IRGC: variants seen among roughly 807,000 people sequenced by gnomAD.
The protein encoded by IRGC is interferon-inducible GTPase 5.
Under a neutral mutation model 16.1 loss-of-function variants are expected in IRGC, and 4 were observed. The ratio of observed to expected loss-of-function variants is 0.25; its 90% CI spans 0.12 to 0.57. The LOEUF (loss-of-function observed/expected upper bound fraction) is 0.57, where lower values mean the gene tolerates loss of function less well. Ranked by LOEUF, IRGC falls within the 20% of genes least tolerant of loss-of-function variation. IRGC has a pLI of 0.92. For synonymous variants in IRGC, 307 were observed against 299.5 expected (o/e 1.03, Z -0.26); for missense variants, 570 against 643.9 (o/e 0.89, Z 1.24).
At chr19:43,717,050 C>T (rs984446004) in intron 1 of IRGC, among the ~76,000 whole-genome samples, 1 of 151,944 alleles carries the variant, frequency 6.6e-6, no homozygotes, top group African/African-American at 2.4e-5. Flanking sequence ...TGAGGGGGGA[C>T]CATCACGACA....
At position 43,718,610 on chromosome 19, in the gene IRGC, C is replaced by T; in HGVS notation, c.52C>T (p.Leu18Phe). The T allele has an allele frequency of 6.2e-7, 1 of 1,610,254 alleles. No homozygotes were observed. The highest frequency in any genetic ancestry group is 8.5e-7 in the Non-Finnish European group (1 of 1,178,034). The change falls in exon 2 of 2, where the codon CTT becomes TTT. Residue 18 changes from leucine to phenylalanine, a missense_variant. Physicochemically the swap from Leu to Phe is conservative, Grantham distance 22. Coordinates refer to ENST00000244314, the MANE Select transcript of IRGC (RefSeq NM_019612.4). ...GCCTGGGGAGGAGGAAAACACCATC[C>T]TTATGGCCAAGGAAAGGCTGGAGGC... ...VVPGEEENTI[L>F]MAKERLEALR... is the part of the protein sequence containing the mutation.
At chr19:43,718,438 T>C in intron 1 of IRGC, 55 bp from the exon 2 acceptor site, 3 of 1,483,466 alleles carry the variant, frequency 2.0e-6, no homozygotes, top group Non-Finnish European at 2.7e-6. Context: ...TATCTGTCTC[T>C]CCCTGCCCCA....
chr19:43,718,332 C>T (rs1968200669), intron 1 of IRGC, 161 bp from the exon 2 acceptor site: 2 of 797,552 alleles, frequency 2.5e-6, no homozygotes, highest in East Asian at 6.5e-5. Flanking sequence ...CCTGCCAGAC[C>T]CCAAAGCCCT....
chr19:43,718,800 A>G lies in IRGC; in HGVS notation c.242A>G (p.Asp81Gly), dbSNP rs1168654360. The G allele has an allele frequency of 6.2e-7, 1 of 1,612,758 alleles. No individual in the cohort carries two copies. The highest frequency in any genetic ancestry group is 8.5e-7 in the Non-Finnish European group (1 of 1,179,942). ...INALRGLEAEDPGAALTGVME... is the reference protein window; with the variant it reads ...INALRGLEAEGPGAALTGVME... ...GCCCTGCGTGGCCTGGAGGCCGAGG[A>G]CCCTGGCGCGGCTCTCACGGGCGTC... Residue 81 changes from aspartate to glycine, a missense_variant, in exon 2 of 2, where the codon GAC becomes GGC. Transcript: ENST00000244314.
chr19:43,719,623 G>T lies in IRGC; in HGVS notation c.1065G>T (p.Met355Ile), dbSNP rs1968240280. The change falls in exon 2 of 2, where the codon ATG becomes ATT. Residue 355 changes from methionine to isoleucine, a missense_variant. Physicochemically the swap from Met to Ile is conservative, Grantham distance 10. Coordinates refer to ENST00000244314, the MANE Select transcript of IRGC (RefSeq NM_019612.4). ...RLYSQSSDGA[M>I]RVARAFERGI... ...ATTCCCAGTCGTCCGACGGCGCCAT[G>T]CGGGTGGCCCGCGCCTTTGAGAGGG... is the stretch of plus-strand genomic sequence containing the variant. The T allele has an allele frequency of 2.5e-6, 4 of 1,604,566 alleles. No individual in the cohort carries two copies. In the South Asian group the frequency reaches 4.4e-5, roughly 18 times the overall value.
rs1968221130 is a variant in IRGC, at chr19:43,718,979, TC to T, written c.427del (p.Arg143AlafsTer337). The T allele has an allele frequency of 1.9e-6, 3 of 1,599,560 alleles. No individual in the cohort carries two copies. Among genetic ancestry groups the T allele is most frequent in the South Asian group, 1.1e-5 (1 of 89,720 alleles). On this transcript the variant is annotated frameshift_variant, in exon 2 of 2. Coordinates refer to ENST00000244314, the MANE Select transcript of IRGC (RefSeq NM_019612.4). LOFTEE classifies it high-confidence loss of function. Reference sequence around the variant, plus strand: ...CCGCTATGACTTCTTCCTGCTGGTCTCCCCCCGCCGCTGCGGGGCCGTCGAG... The same window carrying T: ...CCGCTATGACTTCTTCCTGCTGGTCTCCCCCGCCGCTGCGGGGCCGTCGAG... ...FSRYDFFLLVSPRRCGAVETR... is the reference protein window; with the variant it reads ...FSRYDFFLLVXPRRCGAVETR...
intron 1 of IRGC, among the ~76,000 whole-genome samples, chr19:43,717,503 T>A (rs773678177): frequency 1.4e-4 from 22 of 152,144 alleles, no homozygotes; most frequent in Non-Finnish European, 2.6e-4. Flanking sequence ...AGTGTTCAGA[T>A]GAGGAGAGTG....
In IRGC at chr19:43,719,594, C is replaced by T. The variant is rs1226125709; in HGVS notation, c.1036C>T (p.Leu346Phe). 1 of 1,602,930 alleles carries T rather than the reference C, an allele frequency of 6.2e-7. No individual in the cohort carries two copies. Among genetic ancestry groups the T allele is most frequent in the Non-Finnish European group, 8.5e-7 (1 of 1,179,878 alleles). The change falls in exon 2 of 2, where the codon CTC becomes TTC. Residue 346 changes from leucine (L) to phenylalanine (F), a missense_variant. Physicochemically the swap from Leu to Phe is conservative, Grantham distance 22. Coordinates refer to ENST00000244314, the MANE Select transcript of IRGC (RefSeq NM_019612.4). ...NEVSPETVLR[L>F]YSQSSDGAMR... The stretch of plus-strand genomic sequence containing the variant: ...GGTCTCGCCTGAGACTGTCCTGCGG[C>T]TCTATTCCCAGTCGTCCGACGGCGC...
rs749380064 is a variant in IRGC, at chr19:43,719,629, G to A, written c.1071G>A (p.Val357=). Residue 357 remains valine, a synonymous_variant, in exon 2 of 2, where the codon GTG becomes GTA. Coordinates refer to ENST00000244314, the MANE Select transcript of IRGC (RefSeq NM_019612.4). ...AGTCGTCCGACGGCGCCATGCGGGT[G>A]GCCCGCGCCTTTGAGAGGGGCATCC... is the stretch of plus-strand genomic sequence containing the variant. ...YSQSSDGAMR[V]ARAFERGIPV... 4 of 1,605,174 alleles carry A rather than the reference G, an allele frequency of 2.5e-6. No individual in the cohort carries two copies. In the South Asian group the frequency reaches 4.4e-5, roughly 18 times the overall value.
Position 43,718,717 on chromosome 19 carries a change from C to G in IRGC, c.159C>G (p.Ile53Met), listed in dbSNP as rs1026821361. The change falls in exon 2 of 2, where the codon ATC becomes ATG. Residue 53 changes from isoleucine (I) to methionine (M), a missense_variant. By Grantham distance (10) the Ile-to-Met change is conservative. Coordinates refer to ENST00000244314, the MANE Select transcript of IRGC (RefSeq NM_019612.4). ...LQELLASTESIRLEVGVTGES... is the reference protein window; with the variant it reads ...LQELLASTESMRLEVGVTGES... ...AGCTGCTGGCCTCCACGGAAAGCAT[C>G]CGCCTGGAGGTGGGCGTCACGGGCG... is the stretch of plus-strand genomic sequence containing the variant. 4 of 1,613,284 alleles carry G rather than the reference C, an allele frequency of 2.5e-6. No homozygotes were observed. The African/African-American group carries it at 4.0e-5, about 16-fold the overall frequency.
In IRGC at chr19:43,719,306, G is replaced by A. The variant is rs777050741; in HGVS notation, c.748G>A (p.Asp250Asn). The change falls in exon 2 of 2, where the codon GAC (aspartate) becomes AAC (asparagine). Residue 250 changes from aspartate (D) to asparagine (N), a missense_variant. Coordinates refer to ENST00000244314, the MANE Select transcript of IRGC (RefSeq NM_019612.4). The part of the protein sequence containing the change: ...RRHAGLLSLP[D>N]ISLEALQKKK... ...CCACGCTGGCCTGCTGTCGCTCCCCGACATCTCGCTGGAGGCCTTGCAGAA... is the reference window on the plus strand; with the variant it reads ...CCACGCTGGCCTGCTGTCGCTCCCCAACATCTCGCTGGAGGCCTTGCAGAA... The A allele has an allele frequency of 1.2e-5, 19 of 1,609,898 alleles. No individual in the cohort carries two copies. Among genetic ancestry groups the A allele is most frequent in the South Asian group, 2.2e-5 (2 of 90,806 alleles).
Position 43,718,939 on chromosome 19 carries a change from G to T in IRGC, c.381G>T (p.Lys127Asn). ...GCTGCCCGGCTGACAAGTACCTAAA[G>T]CAGGTAGACTTCAGCCGCTATGACT... ...SPGCPADKYL[K>N]QVDFSRYDFF... is the part of the protein sequence containing the mutation. The change falls in exon 2 of 2, where the codon AAG becomes AAT. Residue 127 changes from lysine (K) to asparagine (N), a missense_variant. Physicochemically the swap from Lys to Asn is moderately conservative, Grantham distance 94. Transcript: ENST00000244314. 3 of 1,612,360 alleles carry T rather than the reference G, an allele frequency of 1.9e-6. No homozygotes were observed. The highest frequency in any genetic ancestry group is 2.2e-5 in the East Asian group (1 of 44,848).
chr19:43,719,102 C>CCTCTCTGAAG lies in IRGC; in HGVS notation c.545_546insTCTCTGAAGC (p.Ser183LeufsTer2). On this transcript the variant is annotated stop_gained and frameshift_variant, in exon 2 of 2. Transcript: ENST00000244314. LOFTEE classifies it high-confidence loss of function. ...CCTGGCGGCCACGCGCACCCAGCGG[C>CCTCTCTGAAG]CGTCGGGCTTCAGAGAGGCCGCTGT... 1 of 1,609,642 alleles carries CCTCTCTGAAG rather than the reference C, an allele frequency of 6.2e-7. No homozygotes were observed. The highest frequency in any genetic ancestry group is 8.5e-7 in the Non-Finnish European group (1 of 1,177,904).
chr19:43,719,963 CG>C lies in IRGC; in HGVS notation c.*14del. 1 of 1,611,616 alleles carries C rather than the reference CG, an allele frequency of 6.2e-7. No individual in the cohort carries two copies. The highest frequency in any genetic ancestry group is 1.7e-5 in the Admixed American group (1 of 59,830). ...AGAAGAGAAATAAAGAGTGCAGCCC[CG>C]CCCCCCTGCCTCACCCACAAACTAA... On this transcript the variant is annotated 3_prime_UTR_variant, in exon 2 of 2. Coordinates refer to ENST00000244314, the MANE Select transcript of IRGC (RefSeq NM_019612.4).
Position 43,719,835 on chromosome 19 carries a change from G to C in IRGC, c.1277G>C (p.Gly426Ala). 1 of 1,614,086 alleles carries C rather than the reference G, an allele frequency of 6.2e-7. No homozygotes were observed. Among genetic ancestry groups the C allele is most frequent in the Non-Finnish European group, 8.5e-7 (1 of 1,180,014 alleles). The change falls in exon 2 of 2, where the codon GGG becomes GCG. Residue 426 changes from glycine to alanine, a missense_variant. Physicochemically the swap from Gly to Ala is moderately conservative, Grantham distance 60. Coordinates refer to ENST00000244314, the MANE Select transcript of IRGC (RefSeq NM_019612.4). ...EVASDNGVEK[G>A]GSGEGGGEEA... ...GCCAGTGACAATGGCGTGGAAAAGG[G>C]GGGCTCCGGGGAGGGAGGTGGGGAG...
Position 43,719,031 on chromosome 19 carries a change from G to T in IRGC, c.473G>T (p.Cys158Phe). 1 of 1,612,864 alleles carries T rather than the reference G, an allele frequency of 6.2e-7. No homozygotes were observed. The highest frequency in any genetic ancestry group is 1.3e-5 in the African/African-American group (1 of 75,068). The change falls in exon 2 of 2, where the codon TGC (cysteine) becomes TTC (phenylalanine). Residue 158 changes from cysteine (C) to phenylalanine (F), a missense_variant. By Grantham distance (205) the Cys-to-Phe change is radical. Coordinates refer to ENST00000244314, the MANE Select transcript of IRGC (RefSeq NM_019612.4). ...ACCCGCCTGGCCGCTGAGATCCTGT[G>T]CCAGGGCAAGAAGTTCTACTTTGTG... is the stretch of plus-strand genomic sequence containing the variant. ...VETRLAAEILCQGKKFYFVRT... is the reference protein window; with the variant it reads ...VETRLAAEILFQGKKFYFVRT...
In IRGC at chr19:43,718,612, T is replaced by A; in HGVS notation, c.54T>A (p.Leu18=). 1 of 1,610,640 alleles carries A rather than the reference T, an allele frequency of 6.2e-7. No homozygotes were observed. The highest frequency in any genetic ancestry group is 1.3e-5 in the African/African-American group (1 of 74,952). Residue 18 remains leucine, a synonymous_variant, in exon 2 of 2, where the codon CTT becomes CTA. Transcript: ENST00000244314. ...VVPGEEENTI[L]MAKERLEALR... ...CTGGGGAGGAGGAAAACACCATCCT[T>A]ATGGCCAAGGAAAGGCTGGAGGCCC...
rs780678651 is a variant in IRGC at position 43,719,413 on chromosome 19, G to A, written c.855G>A (p.Leu285=). The part of the protein sequence containing the change: ...GVIQALPVPG[L]AAAYDDALLI... The stretch of plus-strand genomic sequence containing the variant: ...TCCAGGCCCTGCCGGTCCCAGGGCT[G>A]GCGGCCGCCTACGATGATGCGTTGC... The change falls in exon 2 of 2, where the codon CTG becomes CTA. Residue 285 remains leucine, a synonymous_variant. Coordinates refer to ENST00000244314, the MANE Select transcript of IRGC (RefSeq NM_019612.4). 1.8e-5 allele frequency: 29 copies of A among 1,607,084 alleles called. No homozygotes were observed. The highest frequency in any genetic ancestry group is 2.4e-5 in the Non-Finnish European group (28 of 1,175,718).
At chr19:43,717,013 G>T (rs1209454133) in intron 1 of IRGC, among the ~76,000 whole-genome samples, 1 of 152,162 alleles carries the variant, frequency 6.6e-6, no homozygotes, top group Non-Finnish European at 1.5e-5. Context: ...GGAGGACCAG[G>T]GAAGCTCCTG....
Sources: allele counts gnomAD v4.1 joint callset (sites outside exome capture counted in the v4.1 genomes callset), GRCh38; gene constraint gnomAD v4.1.1; transcripts MANE v1.5; gene names NCBI Gene and HGNC (gene_info 2026-07-23, HGNC 2026-07-21).